The following KLHL29 variants were observed in gnomAD, a reference collection of about 807,000 sequenced individuals.
The protein encoded by KLHL29 is kelch like family member 29.
Under a neutral mutation model 80.4 loss-of-function variants are expected in KLHL29, and 21 were observed. The ratio of observed to expected loss-of-function variants is 0.26; its 90% CI spans 0.19 to 0.38. The LOEUF is 0.38. Ranked by LOEUF, KLHL29 falls within the 10% of genes least tolerant of loss-of-function variation. KLHL29 has a pLI of 1.00. For synonymous variants in KLHL29, 511 were observed against 526.8 expected (o/e 0.97, Z 0.41); for missense variants, 867 against 1,223.9 (o/e 0.71, Z 4.35).
At position 23,700,700 on chromosome 2, in the gene KLHL29, C is replaced by G. The variant is rs1672307697; in HGVS notation, c.2106-2486C>G. Among the ~76,000 whole-genome samples, 1 of 152,170 alleles carries G rather than the reference C, an allele frequency of 6.6e-6. No individual in the cohort carries two copies. The highest frequency in any genetic ancestry group is 1.5e-5 in the Non-Finnish European group (1 of 68,046). On this transcript the variant is annotated intron_variant, in intron 11 of 13. Coordinates refer to ENST00000486442, the MANE Select transcript of KLHL29 (RefSeq NM_052920.2). This position sits in a 1 kb window ranked among gnomAD's most constrained non-coding sequence, Gnocchi z 4.6. ...TGCCTCTTCACAGCTAAATTTCTTC[C>G]AAAAGAAGTCTACACCCACGGTCTC...
In KLHL29 at chr2:23,684,984, T is replaced by A. The variant is rs1428599503; in HGVS notation, c.1079+447T>A. ...TGGTGACTAATGCCAGGAAAGCGCA[T>A]CGGCCAGGCTGTCCCTGCTGAGGAG... is the stretch of plus-strand genomic sequence containing the variant. On this transcript the variant is annotated intron_variant, in intron 6 of 13. Transcript: ENST00000486442. The surrounding 1 kb of genome is among the most constrained non-coding windows in gnomAD (Gnocchi z 4.4). 2.0e-5 allele frequency among the ~76,000 whole-genome samples: 3 copies of A among 152,122 alleles called. No individual in the cohort carries two copies. Among genetic ancestry groups the A allele is most frequent in the Admixed American group, 6.5e-5 (1 of 15,274 alleles).
At chr2:23,698,778 C>A (rs1431871362) in intron 11 of KLHL29, among the ~76,000 whole-genome samples, 1 of 152,098 alleles carries the variant, frequency 6.6e-6, no homozygotes, top group Admixed American at 6.5e-5. Context: ...ATTAGCATAT[C>A]CTTCTCAAGC....
chr2:23,414,026 G>A (rs1354544171), intron 1 of KLHL29, among the ~76,000 whole-genome samples: 1 of 152,228 alleles, frequency 6.6e-6, no homozygotes, highest in Non-Finnish European at 1.5e-5. Flanking sequence ...AGCCCTCCTA[G>A]CTGTGCTGTT....
At chr2:23,488,533 C>T (rs1338150689) in intron 2 of KLHL29, among the ~76,000 whole-genome samples, 2 of 152,326 alleles carry the variant, frequency 1.3e-5, no homozygotes, top group South Asian at 2.1e-4. Flanking sequence ...AAGGAGAGGC[C>T]TGATGGGTGG....
At position 23,695,425 on chromosome 2, in the gene KLHL29, G is replaced by A. The variant is rs952775847; in HGVS notation, c.1543-198G>A. Among the ~76,000 whole-genome samples, 5 of 151,910 alleles carry A rather than the reference G, an allele frequency of 3.3e-5. No individual in the cohort carries two copies. The highest frequency in any genetic ancestry group is 9.7e-5 in the African/African-American group (4 of 41,346). ...GCCAGCCTCCCCTCCGCACCCCTGC[G>A]CTCCCGGCCCTCCCCTCCACACCTC... is the stretch of plus-strand genomic sequence containing the variant. On this transcript the variant is annotated intron_variant, in intron 8 of 13. Transcript: ENST00000486442. This position sits in a 1 kb window ranked among gnomAD's most constrained non-coding sequence, Gnocchi z 7.6.
At chr2:23,540,960 A>G (rs1350013583) in intron 2 of KLHL29, among the ~76,000 whole-genome samples, 1 of 152,196 alleles carries the variant, frequency 6.6e-6, no homozygotes, top group African/African-American at 2.4e-5. Flanking sequence ...TTCAATCCTT[A>G]TGGCCAGGGG....
chr2:23,652,597 C>T (rs1267110240), intron 5 of KLHL29, among the ~76,000 whole-genome samples: 1 of 152,202 alleles, frequency 6.6e-6, no homozygotes, highest in Non-Finnish European at 1.5e-5. Flanking sequence ...CTGTCAAGTG[C>T]CTCTTAAAGG....
intron 1 of KLHL29, among the ~76,000 whole-genome samples, chr2:23,450,880 C>A (rs1185407316): frequency 6.6e-6 from 1 of 152,188 alleles, no homozygotes; most frequent in Non-Finnish European, 1.5e-5. Flanking sequence ...AAACCCCATA[C>A]ACATTAGCAG....
At chr2:23,530,209 C>T (rs1666450917) in intron 2 of KLHL29, among the ~76,000 whole-genome samples, 1 of 152,208 alleles carries the variant, frequency 6.6e-6, no homozygotes, top group Non-Finnish European at 1.5e-5. Context: ...CTCCAGGAGG[C>T]TGTTCTGGAA....
intron 3 of KLHL29, among the ~76,000 whole-genome samples, chr2:23,624,695 T>A (rs1217093439): frequency 6.6e-6 from 1 of 152,248 alleles, no homozygotes; most frequent in Non-Finnish European, 1.5e-5. Context: ...AGTCTCTGGC[T>A]GCAGCAACCC....
intron 1 of KLHL29, among the ~76,000 whole-genome samples, chr2:23,421,117 G>A (rs1662788907): frequency 6.6e-6 from 1 of 152,234 alleles, no homozygotes; most frequent in Non-Finnish European, 1.5e-5. Flanking sequence ...TCGCTCAGTA[G>A]TGTAGACAAG....
At chr2:23,698,777 TC>T (rs762231900) in intron 11 of KLHL29, among the ~76,000 whole-genome samples, 2 of 152,074 alleles carry the variant, frequency 1.3e-5, no homozygotes, top group Non-Finnish European at 2.9e-5. Context: ...CATTAGCATA[TC>T]CTTCTCAAGC....
intron 2 of KLHL29, among the ~76,000 whole-genome samples, chr2:23,485,991 A>T (rs549249598): frequency 6.6e-6 from 1 of 152,292 alleles, no homozygotes; most frequent in South Asian, 2.1e-4. Context: ...GCCCAAATGC[A>T]TCTTCAAGGA....
intron 5 of KLHL29, among the ~76,000 whole-genome samples, chr2:23,676,383 C>T (rs1218630134): frequency 1.3e-5 from 2 of 152,164 alleles, no homozygotes; most frequent in African/African-American, 4.8e-5. Flanking sequence ...GGGGTTTCAC[C>T]GTGTTAGCCA....
At chr2:23,636,619 G>T (rs140655991) in intron 3 of KLHL29, among the ~76,000 whole-genome samples, 1 of 152,270 alleles carries the variant, frequency 6.6e-6, no homozygotes, top group Non-Finnish European at 1.5e-5. Context: ...TCCCACAGCA[G>T]CCACTTGAGG....
intron 3 of KLHL29, among the ~76,000 whole-genome samples, chr2:23,579,532 C>T (rs2103508204): frequency 6.6e-6 from 1 of 152,242 alleles, no homozygotes; most frequent in East Asian, 1.9e-4. Context: ...CTCATTACTA[C>T]CCATCAGTGA....
chr2:23,516,316 C>G (rs1404026787), intron 2 of KLHL29, among the ~76,000 whole-genome samples: 1 of 152,206 alleles, frequency 6.6e-6, no homozygotes, highest in Non-Finnish European at 1.5e-5. Flanking sequence ...CTGCACACAG[C>G]CTAGCATCTG....
intron 3 of KLHL29, among the ~76,000 whole-genome samples, chr2:23,597,720 C>T (rs774079561): frequency 1.2e-4 from 18 of 152,004 alleles, no homozygotes; most frequent in East Asian, 5.8e-4. Flanking sequence ...CCACCGTGCC[C>T]GGCCCTGTTC....
At chr2:23,434,250 G>C (rs1663271401) in intron 1 of KLHL29, among the ~76,000 whole-genome samples, 1 of 150,828 alleles carries the variant, frequency 6.6e-6, no homozygotes, top group South Asian at 2.1e-4. Flanking sequence ...GAACCCGGGA[G>C]GCGGAGCTTG....
Sources: gnomAD v4.1 joint callset for allele counts (sites outside exome capture counted in the v4.1 genomes callset) on GRCh38, gnomAD v4.1.1 for gene constraint, Gnocchi (gnomAD v3.1) non-coding constraint, MANE v1.5 for transcripts, NCBI Gene and HGNC (gene_info 2026-07-23, HGNC 2026-07-21) for gene names.